DMD: variants seen among roughly 807,000 people sequenced by gnomAD.
DMD encodes the protein dystrophin, also known as mutant dystrophin.
DMD carries 63 observed loss-of-function variants against 330.1 expected under a neutral mutation model. The ratio of observed to expected loss-of-function variants is 0.19; its 90% CI spans 0.16 to 0.24. The LOEUF is 0.24. DMD is among the 10% of genes least tolerant of loss of function. The pLI is 1.00. For synonymous variants in DMD, 1,223 were observed against 959.8 expected (o/e 1.27, Z -5.07); for missense variants, 3,344 against 2,684.1 (o/e 1.25, Z -5.43).
At chrX:31,459,173 C>T (rs895079827) in intron 59 of DMD, among the ~76,000 whole-genome samples, 4 of 111,359 alleles carry the variant, frequency 3.6e-5, no homozygotes, top group African/African-American at 6.5e-5. Flanking sequence ...GGTAAAATGC[C>T]GTTGCATACA....
At chrX:32,043,959 C>G (rs1343752324) in intron 44 of DMD, among the ~76,000 whole-genome samples, 2 of 111,747 alleles carry the variant, frequency 1.8e-5, no homozygotes, top group Non-Finnish European at 3.8e-5. Context: ...CTGACATTCT[C>G]CCAGGTAAGG....
At chrX:31,341,489 T>G (rs180796166) in intron 61 of DMD, among the ~76,000 whole-genome samples, 29 of 112,126 alleles carry the variant, frequency 2.6e-4, no homozygotes, top group African/African-American at 7.4e-4. Context: ...TTAACCGCTA[T>G]CGATACCATT....
chrX:33,058,519 T>C (rs1395947907), intron 1 of DMD, among the ~76,000 whole-genome samples: 1 of 108,722 alleles, frequency 9.2e-6, no homozygotes. Flanking sequence ...CCCAGGATAG[T>C]CTAAAACTCC....
rs939681299 is a variant in DMD, at chrX:32,959,721, C to T, written c.93+60418G>A. ...TTTCTCCCCCAGGATTTGAAAAAGC[C>T]TTGCACACTGAAGCCCAAGAACTTG... On this transcript the variant is annotated intron_variant, in intron 2 of 78. Transcript: ENST00000357033. Among the ~76,000 whole-genome samples the T allele has an allele frequency of 3.1e-4, 34 of 110,753 alleles. 1 individual carries two copies. Among genetic ancestry groups the T allele is most frequent in the African/African-American group, 1.0e-3 (31 of 30,414 alleles).
Position 31,201,651 on chromosome X carries a change from C to T in DMD, c.9807+2310G>A, listed in dbSNP as rs538287872. Among the ~76,000 whole-genome samples the T allele has an allele frequency of 4.2e-3, 474 of 111,755 alleles. 5 individuals carry two copies. The highest frequency in any genetic ancestry group is 9.8e-3 in the South Asian group (26 of 2,663). On this transcript the variant is annotated intron_variant, in intron 67 of 78. Coordinates refer to ENST00000357033, the MANE Select transcript of DMD (RefSeq NM_004006.3). ...GAAAGCAGAGCTTCTGTATGGCCAC[C>T]GCTTATCCTGACAACCAAATCCAAG...
intron 44 of DMD, among the ~76,000 whole-genome samples, chrX:32,069,227 T>C (rs899940440): frequency 1.8e-5 from 2 of 111,639 alleles, no homozygotes; most frequent in Admixed American, 1.9e-4. Context: ...ATTTGATCAT[T>C]ACACATTATA....
chrX:32,944,318 T>A (rs1014494350), intron 2 of DMD, among the ~76,000 whole-genome samples: 1 of 112,208 alleles, frequency 8.9e-6, no homozygotes, highest in African/African-American at 3.2e-5. Flanking sequence ...TAAAATCATT[T>A]CTACATAGTT....
chrX:33,173,554 T>C lies in DMD; in HGVS notation c.31+37728A>G, dbSNP rs987703913. Among the ~76,000 whole-genome samples, 8 of 111,187 alleles carry C rather than the reference T, an allele frequency of 7.2e-5. No individual in the cohort carries two copies. In the East Asian group the frequency reaches 8.5e-4, roughly 12 times the overall value. On this transcript the variant is annotated intron_variant, in intron 1 of 78. Coordinates refer to ENST00000357033, the MANE Select transcript of DMD (RefSeq NM_004006.3). ...TGGCAGATTCAGTGTATTCATTACTTTTGCTTCTTCTAGAGATTAAAGTGC... is the reference window on the plus strand; with the variant it reads ...TGGCAGATTCAGTGTATTCATTACTCTTGCTTCTTCTAGAGATTAAAGTGC...
intron 44 of DMD, among the ~76,000 whole-genome samples, chrX:32,038,215 C>T (rs1240751691): frequency 9.0e-6 from 1 of 111,616 alleles, no homozygotes; most frequent in East Asian, 2.8e-4. Flanking sequence ...TCAAAAGGGA[C>T]ATTAAGACGG....
At chrX:32,109,236 C>T (rs1048087280) in intron 44 of DMD, among the ~76,000 whole-genome samples, 5 of 110,822 alleles carry the variant, frequency 4.5e-5, no homozygotes, top group African/African-American at 1.6e-4. Context: ...TCAACAGCTA[C>T]AATACAATTT....
At chrX:33,241,472 G>A (rs2052585710) in intron 1 of DMD, among the ~76,000 whole-genome samples, 1 of 111,160 alleles carries the variant, frequency 9.0e-6, no homozygotes. Flanking sequence ...GTATATTTTG[G>A]TGTCAAGTAG....
rs766846856 is a variant in DMD at position 32,406,285 on chromosome X, G to C, written c.4233+5467C>G. 8.0e-3 allele frequency among the ~76,000 whole-genome samples: 890 copies of C among 111,316 alleles called. 7 individuals carry two copies. The highest frequency in any genetic ancestry group is 0.019 in the Middle Eastern group (4 of 216). ...ATTGCCCTGGCCAGAACTTCCAACAGTATGTTGAATAGGAGCAGTGAGAGA... is the reference window on the plus strand; with the variant it reads ...ATTGCCCTGGCCAGAACTTCCAACACTATGTTGAATAGGAGCAGTGAGAGA... On this transcript the variant is annotated intron_variant, in intron 30 of 78. Coordinates refer to ENST00000357033, the MANE Select transcript of DMD (RefSeq NM_004006.3).
Position 32,441,179 on chromosome X carries a change from C to G in DMD, c.3921+1G>C. 1 of 1,208,525 alleles carries G rather than the reference C, an allele frequency of 8.3e-7. No individual in the cohort carries two copies. Among genetic ancestry groups the G allele is most frequent in the Non-Finnish European group, 1.1e-6 (1 of 893,135 alleles). Reference sequence around the variant, plus strand: ...ATCATTTGGCTTAATTTACAACTTACATCTAGCACCTCAGAGATTTCCTCA... The same window carrying G: ...ATCATTTGGCTTAATTTACAACTTAGATCTAGCACCTCAGAGATTTCCTCA... On this transcript the variant is annotated splice_donor_variant, in intron 28 of 78. Coordinates refer to ENST00000357033, the MANE Select transcript of DMD (RefSeq NM_004006.3). LOFTEE classifies it high-confidence loss of function.
At chrX:31,855,885 ATCTGTGATACCAGG>A (rs2093606545) in intron 48 of DMD, among the ~76,000 whole-genome samples, 1 of 112,325 alleles carries the variant, frequency 8.9e-6, no homozygotes, top group Non-Finnish European at 1.9e-5. Flanking sequence ...GTCAGTCTTC[ATCTGTGATACCAGG>A]TCTTTAGACT....
chrX:32,777,266 T>C (rs1179683112), intron 7 of DMD, among the ~76,000 whole-genome samples: 6 of 460 alleles, frequency 0.013, no homozygotes, highest in Non-Finnish European at 0.023. Flanking sequence ...TTTTTAAGTT[T>C]GGTTTCTGGT....
At chrX:33,237,123 A>G (rs2148886735) in intron 1 of DMD, among the ~76,000 whole-genome samples, 1 of 110,445 alleles carries the variant, frequency 9.1e-6, no homozygotes, top group Admixed American at 9.6e-5. Flanking sequence ...GGAGTCAAAT[A>G]TAAGGTTTCC....
At chrX:31,692,908 C>T (rs1350648238) in intron 52 of DMD, among the ~76,000 whole-genome samples, 2 of 111,378 alleles carry the variant, frequency 1.8e-5, no homozygotes, top group Admixed American at 1.9e-4. Flanking sequence ...GGAAGGGATT[C>T]GTCCAAATTT....
chrX:31,244,616 G>A (rs764789727), intron 63 of DMD, among the ~76,000 whole-genome samples: 6 of 111,586 alleles, frequency 5.4e-5, no homozygotes, highest in Admixed American at 9.6e-5. Flanking sequence ...TGCAACTAGC[G>A]AAAAATAACA....
chrX:31,205,441 T>C (rs1359393622), intron 66 of DMD, among the ~76,000 whole-genome samples: 2 of 112,146 alleles, frequency 1.8e-5, no homozygotes, highest in African/African-American at 6.5e-5. Flanking sequence ...ATGTTCCCTC[T>C]TAGTAGTTAT....
Sources: allele counts gnomAD v4.1 joint callset (sites outside exome capture counted in the v4.1 genomes callset), GRCh38; gene constraint gnomAD v4.1.1; transcripts MANE v1.5; gene names NCBI Gene and HGNC (gene_info 2026-07-23, HGNC 2026-07-21).